CDYL: variants seen among roughly 807,000 people sequenced by gnomAD.
CDYL encodes the protein chromodomain Y like.
CDYL carries 8 observed loss-of-function variants against 47.3 expected under a neutral mutation model. The observed-to-expected ratio is 0.17, with a 90% confidence interval of 0.10 to 0.31. The LOEUF (loss-of-function observed/expected upper bound fraction) is 0.31. Ranked by LOEUF, CDYL falls within the 10% of genes least tolerant of loss-of-function variation. CDYL has a pLI of 1.00. For synonymous variants in CDYL, 266 were observed against 265.0 expected (o/e 1.00, Z -0.04); for missense variants, 471 against 701.4 (o/e 0.67, Z 3.71).
intron 1 of CDYL, among the ~76,000 whole-genome samples, chr6:4,829,135 T>C (rs1027691779): frequency 3.3e-5 from 5 of 152,232 alleles, no homozygotes; most frequent in African/African-American, 1.2e-4. Context: ...TTTCTTTATA[T>C]GCTTTGTGGG....
Position 4,904,959 on chromosome 6 carries a change from C to T in CDYL, c.691+12580C>T, listed in dbSNP as rs114125990. Among the ~76,000 whole-genome samples, 861 of 152,200 alleles carry T rather than the reference C, an allele frequency of 5.7e-3. 5 individuals are homozygous for T. The highest frequency in any genetic ancestry group is 9.4e-3 in the Non-Finnish European group (639 of 68,024). On this transcript the variant is annotated intron_variant, in intron 2 of 6. Coordinates refer to ENST00000397588, the MANE Select transcript of CDYL (RefSeq NM_004824.4). ...AGGTGTTTAATCACAAGAACACCTC[C>T]GCAGTGCCTGTGTGATCGGCCGTCC...
intron 3 of CDYL, among the ~76,000 whole-genome samples, chr6:4,738,594 T>C (rs1306914086): frequency 1.3e-5 from 2 of 152,230 alleles, no homozygotes; most frequent in Non-Finnish European, 2.9e-5. Context: ...GAATGCAAAT[T>C]TATTCAATCA....
chr6:4,720,023 A>G (rs1419607375), intron 2 of CDYL, among the ~76,000 whole-genome samples: 1 of 152,260 alleles, frequency 6.6e-6, no homozygotes. Context: ...AATAATTATT[A>G]AGTCCATTAA....
intron 1 of CDYL, among the ~76,000 whole-genome samples, chr6:4,884,155 C>T (rs771804000): frequency 9.2e-5 from 14 of 152,230 alleles, no homozygotes; most frequent in Non-Finnish European, 1.5e-4. Flanking sequence ...TGGGCCAAGA[C>T]ACAGTTCGTG....
chr6:4,712,833 T>G (rs116522621), intron 1 of CDYL, among the ~76,000 whole-genome samples: 115 of 152,354 alleles, frequency 7.5e-4, no homozygotes, highest in African/African-American at 2.6e-3. Context: ...CTTTCCAGCC[T>G]TCACTCTGCC....
intron 1 of CDYL, among the ~76,000 whole-genome samples, chr6:4,827,576 C>T (rs1337057940): frequency 2.0e-5 from 3 of 152,208 alleles, no homozygotes; most frequent in Non-Finnish European, 4.4e-5. Flanking sequence ...CCATCTGCTC[C>T]CTTTATGTTC....
intron 3 of CDYL, among the ~76,000 whole-genome samples, chr6:4,735,935 G>T (rs1272238474): frequency 1.3e-5 from 2 of 151,702 alleles, no homozygotes; most frequent in Non-Finnish European, 2.9e-5. Context: ...GCACCTAACA[G>T]TTAAGATCTA....
chr6:4,876,170 T>C (rs1761616438), intron 1 of CDYL, among the ~76,000 whole-genome samples: 1 of 152,240 alleles, frequency 6.6e-6, no homozygotes, highest in Non-Finnish European at 1.5e-5. Flanking sequence ...GTTTTTGTTC[T>C]AGAATTTTCT....
intron 1 of CDYL, among the ~76,000 whole-genome samples, chr6:4,852,708 G>T (rs1448060076): frequency 6.6e-6 from 1 of 151,920 alleles, no homozygotes; most frequent in African/African-American, 2.4e-5. Flanking sequence ...GTATCATTGT[G>T]GGTTTGTGAT....
intron 3 of CDYL, among the ~76,000 whole-genome samples, chr6:4,766,801 C>T (rs554163928): frequency 1.3e-5 from 2 of 151,670 alleles, no homozygotes; most frequent in East Asian, 2.0e-4. Context: ...TTCAGGAGCT[C>T]GAGACCAGCC....
intron 3 of CDYL, among the ~76,000 whole-genome samples, chr6:4,736,090 A>G (rs568191166): frequency 2.1e-4 from 32 of 152,296 alleles, no homozygotes; most frequent in Non-Finnish European, 3.7e-4. Context: ...CCTGTCAACC[A>G]TCATTCTGCT....
rs568747085 is a variant in CDYL at position 4,835,884 on chromosome 6, G to T, written c.25-55829G>T. Among the ~76,000 whole-genome samples the T allele has an allele frequency of 3.5e-4, 53 of 152,320 alleles. No homozygotes were observed. The South Asian group carries it at 5.4e-3, about 15-fold the overall frequency. On this transcript the variant is annotated intron_variant, in intron 1 of 6. Transcript: ENST00000397588. ...CGTGGGCGCAGGACCCTCCGAGCCAGGTGCGGGATATAATCTCCTGGTGCG... is the reference window on the plus strand; with the variant it reads ...CGTGGGCGCAGGACCCTCCGAGCCATGTGCGGGATATAATCTCCTGGTGCG...
At chr6:4,712,568 A>G (rs202192923) in intron 1 of CDYL, among the ~76,000 whole-genome samples, 1 of 152,234 alleles carries the variant, frequency 6.6e-6, no homozygotes, top group Non-Finnish European at 1.5e-5. Flanking sequence ...CACTTGTGAC[A>G]GGACAGCTGC....
chr6:4,929,869 CTTT>C (rs1757985004), intron 2 of CDYL, among the ~76,000 whole-genome samples: 1 of 150,896 alleles, frequency 6.6e-6, no homozygotes, highest in Non-Finnish European at 1.5e-5. Context: ...TATTTTCCCA[CTTT>C]TTTGCTTATC....
chr6:4,711,995 G>T (rs978385783), intron 1 of CDYL, among the ~76,000 whole-genome samples: 1 of 152,148 alleles, frequency 6.6e-6, no homozygotes, highest in Non-Finnish European at 1.5e-5. Flanking sequence ...AGCCCAGAAG[G>T]TCGAGGCTGC....
intron 2 of CDYL, among the ~76,000 whole-genome samples, chr6:4,910,085 G>A (rs1468667019): frequency 1.3e-5 from 2 of 151,104 alleles, no homozygotes; most frequent in Non-Finnish European, 2.9e-5. Context: ...CCTCAGCACA[G>A]ACGGCACTTC....
At chr6:4,900,141 T>G (rs1234648978) in intron 2 of CDYL, among the ~76,000 whole-genome samples, 2 of 152,254 alleles carry the variant, frequency 1.3e-5, no homozygotes, top group Non-Finnish European at 2.9e-5. Flanking sequence ...CATCAGTAGT[T>G]TGATGTGTGT....
At chr6:4,885,037 A>G (rs1304227941) in intron 1 of CDYL, among the ~76,000 whole-genome samples, 1 of 152,116 alleles carries the variant, frequency 6.6e-6, no homozygotes, top group Non-Finnish European at 1.5e-5. Context: ...TCTGTCACCC[A>G]GTCTGGAGTG....
At chr6:4,929,789 T>C (rs1041331184) in intron 2 of CDYL, among the ~76,000 whole-genome samples, 3 of 152,322 alleles carry the variant, frequency 2.0e-5, no homozygotes, top group Non-Finnish European at 4.4e-5. Flanking sequence ...TTGAAGATGT[T>C]CTTTTCTCGT....
Sources: allele counts gnomAD v4.1 joint callset (sites outside exome capture counted in the v4.1 genomes callset), GRCh38; gene constraint gnomAD v4.1.1; transcripts MANE v1.5; gene names NCBI Gene and HGNC (gene_info 2026-07-23, HGNC 2026-07-21).